The following PDE11A variants were observed in gnomAD, a reference collection of about 807,000 sequenced individuals.
The protein encoded by PDE11A is phosphodiesterase 11A.
A neutral mutation model predicts 100.5 loss-of-function variants in PDE11A; 100 were observed. The observed-to-expected ratio is 1.00, with a 90% CI of 0.85 to 1.18. PDE11A has a LOEUF of 1.18. Ranked by LOEUF, PDE11A falls within the 50% of genes most tolerant of loss-of-function variation. The probability of loss-of-function intolerance (pLI) is 0.00; values close to 1 mark genes in which losing one functional copy is unlikely to be tolerated. For synonymous variants in PDE11A, 381 were observed against 420.8 expected (o/e 0.91, Z 1.16); for missense variants, 1,141 against 1,152.6 (o/e 0.99, Z 0.15).
At chr2:177,795,003 T>C (rs886333417) in intron 9 of PDE11A, among the ~76,000 whole-genome samples, 1 of 152,124 alleles carries the variant, frequency 6.6e-6, no homozygotes, top group Non-Finnish European at 1.5e-5. Context: ...ACCAGGCTGG[T>C]CTTGAACTCC....
intron 10 of PDE11A, among the ~76,000 whole-genome samples, chr2:177,735,763 C>T (rs1280329645): frequency 6.6e-6 from 1 of 152,220 alleles, no homozygotes; most frequent in Non-Finnish European, 1.5e-5. Context: ...TGCCAAGCTC[C>T]AGTGGCCTTG....
At chr2:177,885,880 G>A (rs1441191336) in intron 4 of PDE11A, among the ~76,000 whole-genome samples, 1 of 152,126 alleles carries the variant, frequency 6.6e-6, no homozygotes, top group African/African-American at 2.4e-5. Flanking sequence ...ATGCTTCACA[G>A]TTTTGTAAAG....
chr2:177,706,577 C>T (rs1319938926), intron 13 of PDE11A, among the ~76,000 whole-genome samples: 1 of 152,180 alleles, frequency 6.6e-6, no homozygotes, highest in Non-Finnish European at 1.5e-5. Context: ...GCTAAAAAGC[C>T]TCTTTCAGCA....
intron 6 of PDE11A, among the ~76,000 whole-genome samples, chr2:177,825,205 A>G (rs2083209403): frequency 6.6e-6 from 1 of 152,186 alleles, no homozygotes; most frequent in South Asian, 2.1e-4. Flanking sequence ...GGAAGAGAGG[A>G]AGGCCATAAT....
chr2:178,077,260 CTTTTTTT>C (rs57259393), upstream of PDE11A, among the ~76,000 whole-genome samples: 14 of 98,632 alleles, frequency 1.4e-4, no homozygotes, highest in South Asian at 3.7e-4. Context: ...TTCTTTCTTT[CTTTTTTT>C]TTTTTTTTTT....
At chr2:177,988,873 C>T (rs145832564) in intron 2 of PDE11A, among the ~76,000 whole-genome samples, 4 of 152,300 alleles carry the variant, frequency 2.6e-5, no homozygotes, top group African/African-American at 9.6e-5. Context: ...CCTCTGAAAC[C>T]TTTGTGAGGT....
intron 9 of PDE11A, among the ~76,000 whole-genome samples, chr2:177,799,261 G>A (rs2082750588): frequency 6.6e-6 from 1 of 151,890 alleles, no homozygotes; most frequent in Admixed American, 6.6e-5. Context: ...ATGAGATCCT[G>A]GTACAAAAAG....
chr2:177,675,946 AG>A (rs774058850), intron 16 of PDE11A: 1 of 319,326 alleles, frequency 3.1e-6, no homozygotes. Context: ...TGGGAACAAA[AG>A]AAAACCCACA....
intron 4 of PDE11A, among the ~76,000 whole-genome samples, chr2:177,883,803 C>T (rs1320019239): frequency 1.3e-5 from 2 of 152,048 alleles, no homozygotes; most frequent in Admixed American, 6.5e-5. Flanking sequence ...ACTCCTAGGT[C>T]TGAGGTTACA....
intron 6 of PDE11A, among the ~76,000 whole-genome samples, chr2:177,831,059 G>A (rs536870540): frequency 6.6e-6 from 1 of 152,256 alleles, no homozygotes; most frequent in South Asian, 2.1e-4. Context: ...CCCAGCAGGT[G>A]CCACTTTTGA....
chr2:178,052,908 G>C (rs571463877), intron 1 of PDE11A, among the ~76,000 whole-genome samples: 51 of 152,146 alleles, frequency 3.4e-4, no homozygotes, highest in Admixed American at 6.6e-4. Flanking sequence ...GGACCAGACG[G>C]ATTCACAGCC....
intron 10 of PDE11A, among the ~76,000 whole-genome samples, chr2:177,737,420 T>TACACACACTCAC (rs2081804329): frequency 9.1e-6 from 1 of 110,434 alleles, no homozygotes; most frequent in Non-Finnish European, 2.0e-5. Flanking sequence ...CTACTAAAAA[T>TACACACACTCAC]ACACACACAC....
At chr2:178,078,682 T>C (rs2087245417) in intron 2 of PDE11A, among the ~76,000 whole-genome samples, 1 of 152,206 alleles carries the variant, frequency 6.6e-6, no homozygotes, top group Non-Finnish European at 1.5e-5. Context: ...GAAGAATAAC[T>C]TGTTGATAAA....
At position 177,624,453 on chromosome 2, in the gene PDE11A, G is replaced by A. The variant is rs1226125703; in HGVS notation, c.*4954C>T. The A allele has an allele frequency of 6.6e-6, 1 of 151,910 alleles. No individual in the cohort carries two copies. Among genetic ancestry groups the A allele is most frequent in the African/African-American group, 2.4e-5 (1 of 41,350 alleles). The allele number at this position is 151,910 out of a possible 1,614,324, so 9.4% of individuals were successfully genotyped here. A position where few individuals can be genotyped will look rare whatever the true frequency, so the allele number is the denominator to read the frequency against. ...AATAATTTTACTGCAGAATAAATTG[G>A]GCAGATTCTGTTTAATTACCTAGTG... On this transcript the variant is annotated 3_prime_UTR_variant, in exon 20 of 20. Coordinates refer to ENST00000286063, the MANE Select transcript of PDE11A (RefSeq NM_016953.4).
intron 12 of PDE11A, among the ~76,000 whole-genome samples, chr2:177,717,101 G>C (rs2081449329): frequency 6.6e-6 from 1 of 152,040 alleles, no homozygotes; most frequent in African/African-American, 2.4e-5. Flanking sequence ...CCTATCTCTA[G>C]ATCCTCGGAG....
chr2:178,022,186 A>G (rs2086421287), intron 1 of PDE11A, among the ~76,000 whole-genome samples: 1 of 152,098 alleles, frequency 6.6e-6, no homozygotes, highest in South Asian at 2.1e-4. Flanking sequence ...AGTGGTGGAA[A>G]ATGGACTGAG....
intron 19 of PDE11A, among the ~76,000 whole-genome samples, chr2:177,642,792 G>A (rs937125039): frequency 1.6e-4 from 24 of 152,090 alleles, no homozygotes; most frequent in African/African-American, 5.6e-4. Context: ...TGTAACCTCC[G>A]CCTAGGTTTT....
chr2:177,759,634 AT>A (rs2082142516), intron 10 of PDE11A, among the ~76,000 whole-genome samples: 1 of 152,234 alleles, frequency 6.6e-6, no homozygotes, highest in African/African-American at 2.4e-5. Context: ...TAGATAGCCA[AT>A]CAGACTGTAA....
chr2:177,986,700 G>A (rs1469665238), intron 2 of PDE11A, among the ~76,000 whole-genome samples: 3 of 151,812 alleles, frequency 2.0e-5, no homozygotes, highest in Non-Finnish European at 4.4e-5. Context: ...GCGTGGTGGC[G>A]GGCACCTGTA....
Sources: allele counts gnomAD v4.1 joint callset (sites outside exome capture counted in the v4.1 genomes callset), GRCh38; gene constraint gnomAD v4.1.1; transcripts MANE v1.5; gene names NCBI Gene and HGNC (gene_info 2026-07-23, HGNC 2026-07-21).